RBM41: variants seen among roughly 807,000 people sequenced by gnomAD.
RBM41 encodes RNA-binding protein 41.
A neutral mutation model predicts 30.8 loss-of-function variants in RBM41; 14 were observed. The observed-to-expected ratio is 0.45, with a 90% CI of 0.30 to 0.71. The LOEUF is 0.71. Among genes scored for constraint, RBM41 ranks in the 30% least tolerant of loss-of-function variants. The pLI, the probability that RBM41 is intolerant of heterozygous loss-of-function variation, is 0.08. For synonymous variants in RBM41, 120 were observed against 110.1 expected, an observed-to-expected ratio of 1.09 and a Z score of -0.56; for missense variants, 276 against 326.3, an observed-to-expected ratio of 0.85 and a Z score of 1.19.
At chrX:107,079,851 A>G (rs1364308416) in intron 6 of RBM41, among the ~76,000 whole-genome samples, 3 of 111,920 alleles carry the variant, frequency 2.7e-5, no homozygotes, top group Non-Finnish European at 5.6e-5. Context: ...CTCTTCCAGA[A>G]TGTCATATAA....
chrX:107,063,492 C>T lies in RBM41; in HGVS notation c.*4035G>A, dbSNP rs1286166972. On this transcript the variant is annotated 3_prime_UTR_variant, in exon 8 of 8. Coordinates refer to ENST00000685964, the MANE Select transcript of RBM41 (RefSeq NM_001324242.2). ...AGAAGCTATTTCAGCCTGGGCTCTTCTTTGTGGGTATCTTTTCAAAAACTC... is the reference window on the plus strand; with the variant it reads ...AGAAGCTATTTCAGCCTGGGCTCTTTTTTGTGGGTATCTTTTCAAAAACTC... Among the ~76,000 whole-genome samples, 1 of 112,001 alleles carries T rather than the reference C, an allele frequency of 8.9e-6. No homozygotes were observed.
chrX:107,085,260 CTTTTT>C (rs1190566353), intron 6 of RBM41, among the ~76,000 whole-genome samples: 2 of 76,407 alleles, frequency 2.6e-5, no homozygotes, highest in African/African-American at 1.3e-4. Flanking sequence ...TTTTCTTTTT[CTTTTT>C]TTTTTTTTTT....
chrX:107,072,910 A>T (rs1210105521), intron 6 of RBM41, among the ~76,000 whole-genome samples: 1 of 111,064 alleles, frequency 9.0e-6, no homozygotes, highest in Non-Finnish European at 1.9e-5. Flanking sequence ...TCTCGTCAAT[A>T]AGTGGTGCTG....
At chrX:107,099,808 G>A (rs1184347455) in intron 5 of RBM41, among the ~76,000 whole-genome samples, 3 of 110,813 alleles carry the variant, frequency 2.7e-5, no homozygotes, top group South Asian at 7.7e-4. Context: ...ATTGTATTCC[G>A]GATTTATAAT....
Position 107,063,919 on chromosome X carries a change from G to T in RBM41, c.*3608C>A, listed in dbSNP as rs189028737. On this transcript the variant is annotated 3_prime_UTR_variant, in exon 8 of 8. Coordinates refer to ENST00000685964, the MANE Select transcript of RBM41 (RefSeq NM_001324242.2). The stretch of plus-strand genomic sequence containing the variant: ...TCTTCTTTTTCCAGGGTCTTAAGGT[G>T]TAAAGTGAGGTTAGTGCTATGGTCT... Among the ~76,000 whole-genome samples the T allele has an allele frequency of 1.6e-3, 174 of 106,068 alleles. No homozygotes were observed. Among genetic ancestry groups the T allele is most frequent in the African/African-American group, 5.8e-3 (168 of 29,168 alleles). 92.1% of individuals were successfully genotyped at this position (106,068 alleles called of 115,157 possible).
downstream of RBM41, among the ~76,000 whole-genome samples, chrX:107,060,330 G>A (rs903680886): frequency 9.1e-6 from 1 of 110,102 alleles, no homozygotes; most frequent in Non-Finnish European, 1.9e-5. Context: ...AATCATCAAT[G>A]TGATCAATGT....
At position 107,115,731 on chromosome X, in the gene RBM41, A is replaced by C. The variant is rs1440025766; in HGVS notation, c.318+131T>G. ...ACCAATGTCTGCATTCTAAAAATCAAAGAAGATTCAGACACCAAGCTCAGT... is the reference window on the plus strand; with the variant it reads ...ACCAATGTCTGCATTCTAAAAATCACAGAAGATTCAGACACCAAGCTCAGT... On this transcript the variant is annotated intron_variant, in intron 3 of 7. Transcript: ENST00000685964. 3 of 923,890 alleles carry C rather than the reference A, an allele frequency of 3.2e-6. No homozygotes were observed. In the African/African-American group the frequency reaches 6.0e-5, roughly 18 times the overall value. 76.1% of individuals were successfully genotyped at this position (923,890 alleles called of 1,213,427 possible).
At chrX:107,111,340 A>G (rs1266124998) in intron 5 of RBM41, among the ~76,000 whole-genome samples, 1 of 111,408 alleles carries the variant, frequency 9.0e-6, no homozygotes, top group African/African-American at 3.3e-5. Flanking sequence ...CCACAATAAG[A>G]TAACATTTCA....
rs192389394 is a variant in RBM41, at chrX:107,108,326, C to T, written c.595+5071G>A. On this transcript the variant is annotated intron_variant, in intron 5 of 7. Coordinates refer to ENST00000685964, the MANE Select transcript of RBM41 (RefSeq NM_001324242.2). The stretch of plus-strand genomic sequence containing the variant: ...TCCTCAAAATTAGTAGCTATTAGGA[C>T]TTGTTTGTGGGTAAGATGAAGTTAG... 4.9e-3 allele frequency among the ~76,000 whole-genome samples: 544 copies of T among 111,610 alleles called. 2 individuals carry two copies. The highest frequency in any genetic ancestry group is 7.3e-3 in the Non-Finnish European group (386 of 52,942).
At chrX:107,102,633 C>T (rs757483620) in intron 5 of RBM41, among the ~76,000 whole-genome samples, 10 of 110,892 alleles carry the variant, frequency 9.0e-5, no homozygotes, top group Non-Finnish European at 1.7e-4. Flanking sequence ...ACCACCAGTG[C>T]CAGCCTGGTG....
intron 6 of RBM41, among the ~76,000 whole-genome samples, chrX:107,076,163 A>G (rs1028716478): frequency 6.4e-5 from 7 of 109,032 alleles, no homozygotes; most frequent in Non-Finnish European, 9.5e-5. Flanking sequence ...TAAAAATGCA[A>G]AAAATTAGCT....
chrX:107,090,485 T>C (rs1046808014), intron 5 of RBM41, among the ~76,000 whole-genome samples: 1 of 112,258 alleles, frequency 8.9e-6, no homozygotes, highest in Admixed American at 9.4e-5. Flanking sequence ...TTATTCTTTT[T>C]AGTGGCCAAA....
intron 5 of RBM41, among the ~76,000 whole-genome samples, chrX:107,094,563 C>A (rs1922805395): frequency 8.9e-6 from 1 of 111,860 alleles, no homozygotes; most frequent in Non-Finnish European, 1.9e-5. Context: ...GAATAATGGC[C>A]CCCCAAAGAT....
At chrX:107,116,867 CAA>C in intron 1 of RBM41, 101 bp from the exon 2 acceptor site, 3 of 789,047 alleles carry the variant, frequency 3.8e-6, no homozygotes, top group Non-Finnish European at 3.6e-6. Flanking sequence ...CCCATTTATT[CAA>C]AGACACTTCT....
rs779179877 is a variant in RBM41 at position 107,064,160 on chromosome X, C to T, written c.*3367G>A. On this transcript the variant is annotated 3_prime_UTR_variant, in exon 8 of 8. Transcript: ENST00000685964. ...TAGAGACAGGGTTTCACCATGTTAC[C>T]CAGAATGGTCTCGATCTCCTGACCC... 3.7e-5 allele frequency among the ~76,000 whole-genome samples: 4 copies of T among 109,349 alleles called. 1 individual carries two copies. The South Asian group carries it at 1.6e-3, about 44-fold the overall frequency. The allele number at this position is 109,349 out of a possible 115,157, so 95.0% of individuals were successfully genotyped here.
At chrX:107,089,888 A>C (rs1922358918) in intron 5 of RBM41, among the ~76,000 whole-genome samples, 1 of 111,624 alleles carries the variant, frequency 9.0e-6, no homozygotes, top group Non-Finnish European at 1.9e-5. Flanking sequence ...TAGTCTATTA[A>C]TTTATTAAGA....
intron 5 of RBM41, among the ~76,000 whole-genome samples, chrX:107,104,074 G>A (rs1031871439): frequency 1.8e-5 from 2 of 109,578 alleles, no homozygotes; most frequent in African/African-American, 3.3e-5. Flanking sequence ...TGTTTTCCCC[G>A]CTCCCCTCCC....
At chrX:107,076,904 AAGT>A (rs1453313926) in intron 6 of RBM41, among the ~76,000 whole-genome samples, 4 of 111,873 alleles carry the variant, frequency 3.6e-5, no homozygotes, top group African/African-American at 1.3e-4. Flanking sequence ...TATTGTTAAC[AAGT>A]AGTAGAATCT....
chrX:107,112,912 G>GT (rs931630293), intron 5 of RBM41: 11 of 320,146 alleles, frequency 3.4e-5, no homozygotes, highest in African/African-American at 3.0e-4. Flanking sequence ...GCATGAGGGA[G>GT]TTTTTTAAGG....
Sources: gnomAD v4.1 joint callset for allele counts (sites outside exome capture counted in the v4.1 genomes callset) on GRCh38, gnomAD v4.1.1 for gene constraint, MANE v1.5 for transcripts, NCBI Gene and HGNC (gene_info 2026-07-23, HGNC 2026-07-21) for gene names.